GOLM2: variants seen among roughly 807,000 people sequenced by gnomAD.
GOLM2 encodes golgi membrane protein 2, also known as protein GOLM2.
GOLM2 carries 26 observed loss-of-function variants against 55.9 expected under a neutral mutation model. The ratio of observed to expected loss-of-function variants is 0.47; its 90% CI spans 0.34 to 0.65. The LOEUF (loss-of-function observed/expected upper bound fraction) is 0.65. Ranked by LOEUF, GOLM2 falls within the 30% of genes least tolerant of loss-of-function variation. GOLM2 has a pLI of 0.01. For synonymous variants in GOLM2, 165 were observed against 194.6 expected, an observed-to-expected ratio of 0.85 and a Z score of 1.27; for missense variants, 486 against 531.8, an observed-to-expected ratio of 0.91 and a Z score of 0.85.
chr15:44,385,280 T>C (rs541382531), intron 8 of GOLM2, among the ~76,000 whole-genome samples: 163 of 152,160 alleles, frequency 1.1e-3, no homozygotes, highest in South Asian at 1.9e-3. Flanking sequence ...CTGTACCATT[T>C]TACATTCCCA....
chr15:44,378,302 G>A (rs1038426681), intron 6 of GOLM2, among the ~76,000 whole-genome samples: 3 of 150,388 alleles, frequency 2.0e-5, no homozygotes, highest in Non-Finnish European at 3.0e-5. Flanking sequence ...TGAGCCGCCC[G>A]CCTCGGCTGC....
intron 6 of GOLM2, among the ~76,000 whole-genome samples, chr15:44,341,204 C>T (rs1040073251): frequency 1.2e-4 from 18 of 151,756 alleles, no homozygotes; most frequent in Admixed American, 9.2e-4. Flanking sequence ...CCTCAGCCTC[C>T]CGAGTAGCTG....
Position 44,379,693 on chromosome 15 carries a change from T to C in GOLM2, c.806T>C (p.Leu269Ser). The part of the protein sequence containing the change: ...LAKVDDLPPA[L>S]RKPPISVSQH... ...GGATTTATTTTTTTTCTTCTAGCTT[T>C]AAGGAAGCCTCCTATTTCAGTTTCT... is the stretch of plus-strand genomic sequence containing the variant. Residue 269 changes from leucine to serine, a missense_variant, in exon 7 of 10, where the codon TTA becomes TCA. Leu to Ser is a moderately radical substitution (Grantham distance 145, BLOSUM62 -2). Coordinates refer to ENST00000299957, the MANE Select transcript of GOLM2 (RefSeq NM_138423.4). The C allele has an allele frequency of 6.3e-7, 1 of 1,576,070 alleles. No homozygotes were observed. Among genetic ancestry groups the C allele is most frequent in the Non-Finnish European group, 8.7e-7 (1 of 1,148,892 alleles).
chr15:44,407,760 CTTTCT>C (rs937297773), intron 9 of GOLM2, among the ~76,000 whole-genome samples: 7 of 147,410 alleles, frequency 4.7e-5, no homozygotes, highest in South Asian at 4.3e-4. Flanking sequence ...ATAGAGCTTT[CTTTCT>C]TTTATCTTTT....
chr15:44,307,497 C>A (rs2078847155), intron 1 of GOLM2: 1 of 152,204 alleles, frequency 6.6e-6, no homozygotes, highest in Admixed American at 6.5e-5. Flanking sequence ...CAGGCGTGAG[C>A]CACCGTGTTC....
chr15:44,342,790 A>G (rs959787922), intron 6 of GOLM2, among the ~76,000 whole-genome samples: 1 of 152,214 alleles, frequency 6.6e-6, no homozygotes, highest in Non-Finnish European at 1.5e-5. Context: ...GCTGCCTTGC[A>G]TATAGCAGGG....
intron 6 of GOLM2, among the ~76,000 whole-genome samples, chr15:44,348,234 A>G (rs946148222): frequency 6.6e-6 from 1 of 152,098 alleles, no homozygotes; most frequent in Non-Finnish European, 1.5e-5. Flanking sequence ...AAGAGTACCA[A>G]ATGGGCTCTT....
At chr15:44,334,223 T>C (rs1225535610) in intron 4 of GOLM2, among the ~76,000 whole-genome samples, 1 of 152,152 alleles carries the variant, frequency 6.6e-6, no homozygotes, top group Non-Finnish European at 1.5e-5. Context: ...CCTTTCTGGG[T>C]AGCACATCAG....
intron 2 of GOLM2, among the ~76,000 whole-genome samples, chr15:44,327,231 A>G (rs555868522): frequency 1.5e-4 from 23 of 150,770 alleles, no homozygotes; most frequent in African/African-American, 5.6e-4. Flanking sequence ...GATTACAGGC[A>G]TGAGCCACCA....
chr15:44,365,096 T>C (rs532825977), intron 6 of GOLM2, among the ~76,000 whole-genome samples: 4 of 152,326 alleles, frequency 2.6e-5, no homozygotes, highest in Non-Finnish European at 4.4e-5. Context: ...TAAATGTTTA[T>C]AGAAGCTTTA....
At chr15:44,384,705 C>T (rs1183153508) in intron 8 of GOLM2, among the ~76,000 whole-genome samples, 1 of 151,826 alleles carries the variant, frequency 6.6e-6, no homozygotes, top group East Asian at 1.9e-4. Context: ...CAAGATCGCG[C>T]CACTGCACTC....
At chr15:44,327,011 C>T (rs115425403) in intron 2 of GOLM2, among the ~76,000 whole-genome samples, 5,251 of 149,188 alleles carry the variant, frequency 0.035, 312 homozygotes, top group African/African-American at 0.12. Context: ...TGCACAGTGG[C>T]GTAATCTCGG....
intron 1 of GOLM2, among the ~76,000 whole-genome samples, chr15:44,312,478 T>A (rs1307662017): frequency 6.6e-6 from 1 of 152,178 alleles, no homozygotes; most frequent in African/African-American, 2.4e-5. Context: ...TGTACCCATC[T>A]GTCTTTCCTC....
At chr15:44,318,708 C>CAAAA (rs932864980) in intron 1 of GOLM2, among the ~76,000 whole-genome samples, 1 of 94,930 alleles carries the variant, frequency 1.1e-5, no homozygotes, top group Non-Finnish European at 2.3e-5. Flanking sequence ...CACTCTGTCT[C>CAAAA]AAAAAAAAAA....
At chr15:44,366,555 G>A (rs1355425358) in intron 6 of GOLM2, among the ~76,000 whole-genome samples, 2 of 152,246 alleles carry the variant, frequency 1.3e-5, no homozygotes, top group South Asian at 4.1e-4. Context: ...GATCACTTGA[G>A]CACAGGGGAT....
In GOLM2 at chr15:44,378,032, A is replaced by ATTAT. The variant is rs534507298; in HGVS notation, c.803-1631_803-1628dup. On this transcript the variant is annotated intron_variant, in intron 6 of 9. Coordinates refer to ENST00000299957, the MANE Select transcript of GOLM2 (RefSeq NM_138423.4). ...AGAAGTATATATATATATTTTTTAA[A>ATTAT]TTATTTATTTATTTATTTATTTATT... Among the ~76,000 whole-genome samples, 447 of 148,824 alleles carry ATTAT rather than the reference A, an allele frequency of 3.0e-3. 2 individuals carry two copies. Among genetic ancestry groups the ATTAT allele is most frequent in the East Asian group, 0.016 (80 of 5,098 alleles).
chr15:44,330,514 G>GAA (rs764271493), intron 3 of GOLM2, among the ~76,000 whole-genome samples: 18 of 72,336 alleles, frequency 2.5e-4, no homozygotes, highest in African/African-American at 7.0e-4. Context: ...ACTCCATCTG[G>GAA]AAAAAAAAAA....
intron 6 of GOLM2, among the ~76,000 whole-genome samples, chr15:44,375,619 A>T (rs2141189425): frequency 6.6e-6 from 1 of 152,206 alleles, no homozygotes; most frequent in Admixed American, 6.5e-5. Flanking sequence ...CTCTACAAAA[A>T]AAAATTTTTT....
At chr15:44,326,277 A>G (rs528990585) in intron 2 of GOLM2, among the ~76,000 whole-genome samples, 28 of 151,954 alleles carry the variant, frequency 1.8e-4, no homozygotes, top group Admixed American at 5.9e-4. Context: ...AAAAAAAAAA[A>G]AAAGAAAGAA....
Sources: allele counts gnomAD v4.1 joint callset (sites outside exome capture counted in the v4.1 genomes callset), GRCh38; gene constraint gnomAD v4.1.1; transcripts MANE v1.5; gene names NCBI Gene and HGNC (gene_info 2026-07-23, HGNC 2026-07-21).